Variants in TMTC1 observed in about 807,000 individuals in gnomAD.
TMTC1 encodes protein O-mannosyl-transferase TMTC1.
In TMTC1, 73 loss-of-function variants were observed where a neutral mutation model predicts 104.8. That is an observed-to-expected ratio of 0.70 (90% CI 0.58 to 0.85). TMTC1 has a LOEUF of 0.85. TMTC1 is among the 40% of genes least tolerant of loss of function. TMTC1 has a pLI of 0.00. For synonymous variants in TMTC1, 434 were observed against 428.7 expected (o/e 1.01, Z -0.15); for missense variants, 1,035 against 1,096.1 (o/e 0.94, Z 0.79).
chr12:29,631,372 ATTT>A (rs1425147557), intron 6 of TMTC1, among the ~76,000 whole-genome samples: 2 of 152,078 alleles, frequency 1.3e-5, no homozygotes, highest in African/African-American at 4.8e-5. Context: ...TTTTGGTGTA[ATTT>A]GCTTTTATTT....
At chr12:29,613,185 C>T (rs773191164) in intron 6 of TMTC1, among the ~76,000 whole-genome samples, 7 of 152,168 alleles carry the variant, frequency 4.6e-5, no homozygotes, top group Non-Finnish European at 1.0e-4. Flanking sequence ...AAGAGTGATG[C>T]TGCTCTAAGA....
chr12:29,585,125 C>T (rs1177393602), intron 7 of TMTC1, among the ~76,000 whole-genome samples: 41 of 150,292 alleles, frequency 2.7e-4, no homozygotes, highest in East Asian at 2.4e-3. Context: ...TTTTAATGAT[C>T]GCCATTCTAA....
chr12:29,532,680 T>G (rs1208390386), intron 11 of TMTC1: 1 of 152,010 alleles, frequency 6.6e-6, no homozygotes, highest in Non-Finnish European at 1.5e-5. Context: ...AATGATAATA[T>G]TTGTTGTCTC....
chr12:29,546,219 C>A (rs1944938462), intron 10 of TMTC1, among the ~76,000 whole-genome samples: 1 of 152,146 alleles, frequency 6.6e-6, no homozygotes, highest in South Asian at 2.1e-4. Context: ...TGGGCAGGCT[C>A]ATGAGACATG....
intron 16 of TMTC1, among the ~76,000 whole-genome samples, chr12:29,513,390 G>A (rs17718281): frequency 0.11 from 16,730 of 151,454 alleles, 1,144 homozygotes; most frequent in Non-Finnish European, 0.15. Flanking sequence ...GTTCACATTC[G>A]TTATAAATAA....
At chr12:29,759,093 G>T (rs1171000068) in intron 2 of TMTC1, among the ~76,000 whole-genome samples, 1 of 152,158 alleles carries the variant, frequency 6.6e-6, no homozygotes, top group Non-Finnish European at 1.5e-5. Context: ...AAAAATTTTT[G>T]AGCAATACTT....
rs574016171 is a variant in TMTC1 at position 29,691,733 on chromosome 12, A to C, written c.939-58397T>G. Reference sequence around the variant, plus strand: ...ACCCAAAAGTAGGAAAAAAAAAAAAAAAAAACCTACTTCCCACAATGGTGT... The same window carrying C: ...ACCCAAAAGTAGGAAAAAAAAAAAACAAAAACCTACTTCCCACAATGGTGT... On this transcript the variant is annotated intron_variant, in intron 5 of 17. Transcript: ENST00000539277. 9.0e-4 allele frequency among the ~76,000 whole-genome samples: 128 copies of C among 142,850 alleles called. 14 individuals are homozygous for C. The highest frequency in any genetic ancestry group is 1.1e-3 in the Non-Finnish European group (71 of 65,754). The allele number at this position is 142,850 out of a possible 152,430, so 93.7% of individuals were successfully genotyped here.
rs926315859 is a variant in TMTC1, at chr12:29,506,798, C to T, written c.*48G>A. ...TGAAAGCAAGGCTTCCATCACTCCC[C>T]TTTCAGAGGCACCACATTATCCTAT... On this transcript the variant is annotated 3_prime_UTR_variant, in exon 18 of 18. Transcript: ENST00000539277. 4 of 1,610,022 alleles carry T rather than the reference C, an allele frequency of 2.5e-6. No homozygotes were observed. The African/African-American group carries it at 5.3e-5, about 22-fold the overall frequency.
intron 7 of TMTC1, among the ~76,000 whole-genome samples, chr12:29,595,977 T>C (rs1946394677): frequency 6.6e-6 from 1 of 152,152 alleles, no homozygotes; most frequent in Admixed American, 6.5e-5. Context: ...AAGGACTTCT[T>C]AATTTACTTT....
chr12:29,707,331 A>G (rs778511545), intron 5 of TMTC1, among the ~76,000 whole-genome samples: 19 of 152,154 alleles, frequency 1.2e-4, no homozygotes, highest in Non-Finnish European at 7.4e-5. Flanking sequence ...AAGCTTGCTT[A>G]GCTACTATAT....
intron 5 of TMTC1, chr12:29,666,227 T>C: frequency 4.9e-6 from 2 of 411,304 alleles, no homozygotes; most frequent in Non-Finnish European, 9.4e-6. Flanking sequence ...TTTTCTTTTT[T>C]CTTTTTTTTT....
intron 9 of TMTC1, among the ~76,000 whole-genome samples, chr12:29,557,767 T>C (rs2136263490): frequency 6.6e-6 from 1 of 152,324 alleles, no homozygotes; most frequent in African/African-American, 2.4e-5. Flanking sequence ...ATCTTTGGAT[T>C]AGAGCATTGG....
intron 2 of TMTC1, among the ~76,000 whole-genome samples, chr12:29,761,280 C>T (rs1235760619): frequency 1.3e-5 from 2 of 151,196 alleles, no homozygotes; most frequent in African/African-American, 4.8e-5. Flanking sequence ...AAATGTACAA[C>T]TAAATTATTA....
chr12:29,524,870 C>A (rs1215142731), intron 11 of TMTC1, among the ~76,000 whole-genome samples: 1 of 152,094 alleles, frequency 6.6e-6, no homozygotes, highest in East Asian at 1.9e-4. Flanking sequence ...ATGATGTACA[C>A]AAATCTCCCT....
At chr12:29,774,757 T>C (rs910252536) in intron 1 of TMTC1, among the ~76,000 whole-genome samples, 3 of 152,258 alleles carry the variant, frequency 2.0e-5, no homozygotes, top group African/African-American at 7.2e-5. Flanking sequence ...TCATTTTGGT[T>C]GCTCTTCTTC....
intron 5 of TMTC1, among the ~76,000 whole-genome samples, chr12:29,645,632 G>A (rs2216980): frequency 3.9e-4 from 60 of 152,176 alleles, no homozygotes; most frequent in African/African-American, 1.4e-3. Flanking sequence ...TAAATACTGG[G>A]TTCATTTTTT....
chr12:29,511,029 C>T (rs960280484), intron 17 of TMTC1, among the ~76,000 whole-genome samples: 7 of 152,194 alleles, frequency 4.6e-5, no homozygotes, highest in Non-Finnish European at 8.8e-5. Flanking sequence ...TTCCCTATTT[C>T]GCCACATGGC....
intron 4 of TMTC1, 62 bp from the exon 5 acceptor site, chr12:29,751,934 G>A (rs942794848): frequency 1.9e-5 from 27 of 1,438,796 alleles, no homozygotes; most frequent in African/African-American, 4.3e-5. Context: ...TACAACAACC[G>A]ATAGCAGTAA....
chr12:29,763,198 T>C (rs1013884508), intron 2 of TMTC1, among the ~76,000 whole-genome samples: 2 of 152,202 alleles, frequency 1.3e-5, no homozygotes, highest in Admixed American at 1.3e-4. Context: ...CAGCTGGATG[T>C]GCCCAGATAT....
Sources: gnomAD v4.1 joint callset for allele counts (sites outside exome capture counted in the v4.1 genomes callset) on GRCh38, gnomAD v4.1.1 for gene constraint, MANE v1.5 for transcripts, NCBI Gene and HGNC (gene_info 2026-07-23, HGNC 2026-07-21) for gene names.